Variants in RAB3C observed in about 807,000 individuals in gnomAD.
The protein encoded by RAB3C is ras-related protein Rab-3C.
A neutral mutation model predicts 26.4 loss-of-function variants in RAB3C; 17 were observed. The ratio of observed to expected loss-of-function variants is 0.64; its 90% CI spans 0.44 to 0.97. The LOEUF is 0.97. Among genes scored for constraint, RAB3C ranks in the 50% least tolerant of loss-of-function variants. The pLI, the probability that RAB3C is intolerant of heterozygous loss-of-function variation, is 0.00. For synonymous variants in RAB3C, 91 were observed against 95.9 expected (o/e 0.95, Z 0.30); for missense variants, 242 against 281.9 (o/e 0.86, Z 1.01).
At position 58,853,559 on chromosome 5, in the gene RAB3C, C is replaced by T. The variant is rs1395399088; in HGVS notation, c.*2208C>T. On this transcript the variant is annotated 3_prime_UTR_variant, in exon 5 of 5. Coordinates refer to ENST00000282878, the MANE Select transcript of RAB3C (RefSeq NM_138453.4). ...TTTTGCTCTGCTGAAAACCCCTTCC[C>T]TGAAGAACTGATTGCTGTTGAAGTT... 1.3e-5 allele frequency: 2 copies of T among 152,144 alleles called. No homozygotes were observed. The highest frequency in any genetic ancestry group is 1.9e-4 in the East Asian group (1 of 5,184). The allele number at this position is 152,144 out of a possible 1,614,324, so 9.4% of individuals were successfully genotyped here.
At chr5:58,720,383 A>G (rs1263924982) in intron 2 of RAB3C, among the ~76,000 whole-genome samples, 7 of 151,962 alleles carry the variant, frequency 4.6e-5, no homozygotes, top group Non-Finnish European at 4.4e-5. Context: ...ATGTTTATTG[A>G]ATGAATCAAT....
At chr5:58,641,254 G>C (rs1007924191) in intron 2 of RAB3C, among the ~76,000 whole-genome samples, 2 of 152,134 alleles carry the variant, frequency 1.3e-5, no homozygotes, top group East Asian at 3.9e-4. Flanking sequence ...TGTAAATGTG[G>C]TATTTAAGGA....
intron 3 of RAB3C, among the ~76,000 whole-genome samples, chr5:58,801,758 C>T (rs1171828864): frequency 6.6e-6 from 1 of 152,226 alleles, no homozygotes; most frequent in Non-Finnish European, 1.5e-5. Context: ...ATGTAAATAA[C>T]TTGTAATACC....
At chr5:58,685,975 T>C (rs1186269344) in intron 2 of RAB3C, among the ~76,000 whole-genome samples, 2 of 123,266 alleles carry the variant, frequency 1.6e-5, no homozygotes, top group Non-Finnish European at 4.1e-5. Context: ...CTGCAGGAAA[T>C]AATTTTAAAA....
At chr5:58,848,104 C>T (rs929405081) in intron 4 of RAB3C, among the ~76,000 whole-genome samples, 10 of 152,186 alleles carry the variant, frequency 6.6e-5, no homozygotes, top group Non-Finnish European at 1.5e-4. Flanking sequence ...GATCCACCTG[C>T]CTCAGCCTCC....
intron 2 of RAB3C, among the ~76,000 whole-genome samples, chr5:58,653,121 C>T (rs1008022440): frequency 6.6e-6 from 1 of 152,088 alleles, no homozygotes; most frequent in Non-Finnish European, 1.5e-5. Flanking sequence ...CTATCCCTCC[C>T]CTTGCCCCCC....
At chr5:58,606,402 G>A (rs1746571083) in intron 1 of RAB3C, among the ~76,000 whole-genome samples, 1 of 152,178 alleles carries the variant, frequency 6.6e-6, no homozygotes, top group South Asian at 2.1e-4. Flanking sequence ...GCACAAATTG[G>A]GCAGAGCCCA....
At chr5:58,629,055 A>AAAG (rs149818241) in intron 2 of RAB3C, among the ~76,000 whole-genome samples, 2 of 140,558 alleles carry the variant, frequency 1.4e-5, no homozygotes, top group African/African-American at 2.6e-5. Flanking sequence ...AAAAAAAAAA[A>AAAG]GGTGAAATTT....
chr5:58,757,416 T>C (rs1157143332), intron 3 of RAB3C, among the ~76,000 whole-genome samples: 2 of 152,310 alleles, frequency 1.3e-5, no homozygotes, highest in East Asian at 1.9e-4. Flanking sequence ...TTTTCTGACA[T>C]TGACATTTTG....
rs188890997 is a variant in RAB3C at position 58,780,228 on chromosome 5, C to G, written c.372-44810C>G. Among the ~76,000 whole-genome samples, 169 of 152,222 alleles carry G rather than the reference C, an allele frequency of 1.1e-3. 1 individual carries two copies. Among genetic ancestry groups the G allele is most frequent in the Non-Finnish European group, 1.8e-3 (123 of 67,984 alleles). On this transcript the variant is annotated intron_variant, in intron 3 of 4. Transcript: ENST00000282878. ...GCCTGTAGACTCCAAAAAGATGAGACTGCAGAAGTGGAAGTATGAGCTCCA... is the reference window on the plus strand; with the variant it reads ...GCCTGTAGACTCCAAAAAGATGAGAGTGCAGAAGTGGAAGTATGAGCTCCA...
At chr5:58,792,056 G>A (rs1742534697) in intron 3 of RAB3C, among the ~76,000 whole-genome samples, 1 of 152,204 alleles carries the variant, frequency 6.6e-6, no homozygotes, top group Non-Finnish European at 1.5e-5. Context: ...ACAAATAAGT[G>A]TGAGATGGTG....
chr5:58,840,825 G>A (rs1164714095), intron 4 of RAB3C, among the ~76,000 whole-genome samples: 6 of 152,146 alleles, frequency 3.9e-5, no homozygotes, highest in Non-Finnish European at 2.9e-5. Context: ...TCTCAGGTTG[G>A]AGGCATATAT....
chr5:58,660,148 TAAAAC>T (rs1224618678), intron 2 of RAB3C, among the ~76,000 whole-genome samples: 1 of 149,634 alleles, frequency 6.7e-6, no homozygotes, highest in Non-Finnish European at 1.5e-5. Context: ...GATGAAGAAA[TAAAAC>T]AAAACAAAGC....
intron 1 of RAB3C, among the ~76,000 whole-genome samples, chr5:58,610,653 A>ATT (rs200426328): frequency 1.3e-5 from 2 of 150,576 alleles, no homozygotes; most frequent in African/African-American, 4.9e-5. Flanking sequence ...GAATAATTGC[A>ATT]TTTTTTTTTG....
intron 3 of RAB3C, among the ~76,000 whole-genome samples, chr5:58,806,584 C>T (rs759894921): frequency 3.3e-5 from 5 of 152,088 alleles, no homozygotes; most frequent in African/African-American, 1.2e-4. Context: ...ACACTATGGA[C>T]GTTTGTTGGG....
At chr5:58,661,751 G>C (rs1446434495) in intron 2 of RAB3C, among the ~76,000 whole-genome samples, 2 of 148,430 alleles carry the variant, frequency 1.3e-5, no homozygotes, top group African/African-American at 2.6e-5. Flanking sequence ...GCTAATTGCT[G>C]GAACTATTGG....
At chr5:58,771,633 T>A (rs1045622955) in intron 3 of RAB3C, among the ~76,000 whole-genome samples, 2 of 152,120 alleles carry the variant, frequency 1.3e-5, no homozygotes, top group African/African-American at 4.8e-5. Flanking sequence ...AGTCTAGGTA[T>A]TGTCAATAAC....
intron 2 of RAB3C, among the ~76,000 whole-genome samples, chr5:58,624,601 A>G (rs1006924393): frequency 4.6e-5 from 7 of 152,212 alleles, no homozygotes; most frequent in African/African-American, 1.7e-4. Context: ...AATCAGCTTC[A>G]TGGAAATCCA....
At chr5:58,795,760 C>G (rs944457670) in intron 3 of RAB3C, among the ~76,000 whole-genome samples, 10 of 151,646 alleles carry the variant, frequency 6.6e-5, no homozygotes, top group Admixed American at 6.6e-5. Flanking sequence ...GGAGCTGATG[C>G]AAAGAAATTC....
Sources: allele counts gnomAD v4.1 joint callset (sites outside exome capture counted in the v4.1 genomes callset), GRCh38; gene constraint gnomAD v4.1.1; transcripts MANE v1.5; gene names NCBI Gene and HGNC (gene_info 2026-07-23, HGNC 2026-07-21).